Variants in DST observed in about 807,000 individuals in gnomAD.
The protein encoded by DST is bullous pemphigoid antigen.
DST carries 253 observed loss-of-function variants against 875.2 expected under a neutral mutation model. The ratio of observed to expected loss-of-function variants is 0.29; its 90% confidence interval spans 0.26 to 0.32. DST has a LOEUF of 0.32. Ranked by LOEUF, DST falls within the 10% of genes least tolerant of loss-of-function variation. The probability of loss-of-function intolerance (pLI) is 1.00; values close to 1 mark genes in which losing one functional copy is unlikely to be tolerated. For missense variants in DST, 8,287 were observed against 9,111.6 expected, an observed-to-expected ratio of 0.91 and a Z score of 3.68; for synonymous variants, 3,124 against 3,197.1, an observed-to-expected ratio of 0.98 and a Z score of 0.77.
chr6:56,802,820 T>C (rs1446593882), intron 4 of DST, among the ~76,000 whole-genome samples: 1 of 152,186 alleles, frequency 6.6e-6, no homozygotes, highest in Admixed American at 6.5e-5. Context: ...CAAACCAATA[T>C]AAACATCCCC....
intron 2 of DST, among the ~76,000 whole-genome samples, chr6:56,945,557 GAAAAAGCAGGTGACTCTGAACCT>G (rs374901009): frequency 0.014 from 2,072 of 152,246 alleles, 58 homozygotes; most frequent in African/African-American, 0.047. Context: ...GGAAAATGAG[GAAAAAGCAGGTGACTCTGAACCT>G]AGAGATCAAA....
At chr6:56,695,880 C>T (rs1383020064) in intron 9 of DST, among the ~76,000 whole-genome samples, 1 of 152,188 alleles carries the variant, frequency 6.6e-6, no homozygotes, top group Non-Finnish European at 1.5e-5. Context: ...GAGAAAAAGG[C>T]TGAGTCACTC....
At chr6:56,539,556 G>A (rs1450512013) in intron 61 of DST, among the ~76,000 whole-genome samples, 1 of 152,016 alleles carries the variant, frequency 6.6e-6, no homozygotes, top group Non-Finnish European at 1.5e-5. Context: ...ATGAAGAGAA[G>A]TTTAAAATAA....
At chr6:56,614,884 TAA>T in intron 36 of DST, 1 of 993,374 alleles carries the variant, frequency 1.0e-6, no homozygotes. Context: ...ACTGTACATG[TAA>T]GGAAAATACA....
At chr6:56,483,232 A>G (rs1484809403) in intron 88 of DST, among the ~76,000 whole-genome samples, 1 of 152,210 alleles carries the variant, frequency 6.6e-6, no homozygotes, top group East Asian at 1.9e-4. Context: ...TGATTCTTTA[A>G]TATGGTGTCC....
intron 3 of DST, among the ~76,000 whole-genome samples, chr6:56,865,528 G>T (rs944529546): frequency 1.1e-4 from 16 of 152,044 alleles, no homozygotes; most frequent in Non-Finnish European, 2.1e-4. Flanking sequence ...AAGAGATGGG[G>T]GAAGAGTGGC....
At chr6:56,824,005 C>T (rs1302157188) in intron 4 of DST, among the ~76,000 whole-genome samples, 1 of 152,084 alleles carries the variant, frequency 6.6e-6, no homozygotes, top group Non-Finnish European at 1.5e-5. Context: ...CTGCCTCTGC[C>T]TCTCCCCACG....
At chr6:56,941,803 G>A (rs1486357720) in intron 2 of DST, among the ~76,000 whole-genome samples, 1 of 152,160 alleles carries the variant, frequency 6.6e-6, no homozygotes, top group Non-Finnish European at 1.5e-5. Context: ...GTTTCTAGAA[G>A]TATCAGTTAG....
At chr6:56,897,952 C>G (rs1395927558) in intron 3 of DST, among the ~76,000 whole-genome samples, 1 of 152,188 alleles carries the variant, frequency 6.6e-6, no homozygotes, top group Non-Finnish European at 1.5e-5. Flanking sequence ...GACCAATGCC[C>G]TCTGCTGCCC....
chr6:56,855,211 G>A (rs546018510), intron 3 of DST, among the ~76,000 whole-genome samples: 107 of 152,278 alleles, frequency 7.0e-4, no homozygotes, highest in African/African-American at 2.4e-3. Context: ...CTTGGAAACT[G>A]CTGCTTTAAG....
At position 56,552,714 on chromosome 6, in the gene DST, C is replaced by T. The variant is rs779849952; in HGVS notation, c.16078G>A (p.Ala5360Thr). 5 of 1,612,794 alleles carry T rather than the reference C, an allele frequency of 3.1e-6. No individual in the cohort carries two copies. In the South Asian group the frequency reaches 5.5e-5, roughly 18 times the overall value. The change falls in exon 61 of 104, where the codon GCT becomes ACT. Residue 5360 changes from alanine (A) to threonine (T), a missense_variant. Ala to Thr is a moderately conservative substitution (Grantham distance 58). This residue lies in a region of DST where 1,513 missense variants were observed against 1,677.8 expected (regional missense o/e 0.90). Transcript: ENST00000680361. ...TGACTTAGTGTACTATGCTCTTGAGCTATGGTTTCCACTTGTAATAAAACA... is the reference window on the plus strand; with the variant it reads ...TGACTTAGTGTACTATGCTCTTGAGTTATGGTTTCCACTTGTAATAAAACA... ...SDVLLQVETI[A>T]QEHSTLSQQV...
At chr6:56,725,228 G>A (rs1203334482) in intron 5 of DST, among the ~76,000 whole-genome samples, 1 of 152,156 alleles carries the variant, frequency 6.6e-6, no homozygotes, top group African/African-American at 2.4e-5. Flanking sequence ...ATGAAAGAAT[G>A]TGTTGCAAAA....
At chr6:56,693,058 G>C (rs1184406579) in intron 9 of DST, 1 of 1,289,732 alleles carries the variant, frequency 7.8e-7, no homozygotes, top group Non-Finnish European at 1.0e-6. Flanking sequence ...TTTTCTTCCA[G>C]GAGAGTATTT....
Position 56,463,073 on chromosome 6 carries a change from G to A in DST, c.23043C>T (p.Cys7681=). 6.2e-7 allele frequency: 1 copy of A among 1,613,026 alleles called. No homozygotes were observed. The highest frequency in any genetic ancestry group is 1.3e-5 in the African/African-American group (1 of 75,012). The stretch of plus-strand genomic sequence containing the variant: ...CTGCAGATGGCACGGGAAAGTCTGA[G>A]CACTCTGCTGCTTTACAAGGAGTTG... ...KMSTPCKAAE[C]SDFPVPSAEG... is the part of the protein sequence containing the mutation. The change falls in exon 102 of 104, where the codon TGC becomes TGT. Residue 7681 remains cysteine, a synonymous_variant. Coordinates refer to ENST00000680361, the MANE Select transcript of DST (RefSeq NM_001374736.1).
chr6:56,605,620 T>C lies in DST; in HGVS notation c.9008A>G (p.Asp3003Gly). 1 of 1,613,024 alleles carries C rather than the reference T, an allele frequency of 6.2e-7. No individual in the cohort carries two copies. Among genetic ancestry groups the C allele is most frequent in the African/African-American group, 1.3e-5 (1 of 74,994 alleles). Residue 3003 changes from aspartate (D) to glycine (G), a missense_variant, in exon 40 of 104, where the codon GAT becomes GGT. Asp to Gly is a moderately conservative substitution (Grantham distance 94). This residue lies in a region of DST where 3,138 missense variants were observed against 3,116.6 expected (regional missense o/e 1.01). Transcript: ENST00000680361. ...TTCCTCAGCAGGTTTTCCTATTAAA[T>C]CAGGCTCAGTACAAATGATGTGATC... Reference protein sequence around the residue: ...SLDHIICTEPDLIGKPAEESH... With the variant: ...SLDHIICTEPGLIGKPAEESH...
At chr6:56,817,472 T>C (rs1284275491) in intron 4 of DST, among the ~76,000 whole-genome samples, 2 of 152,126 alleles carry the variant, frequency 1.3e-5, no homozygotes, top group African/African-American at 4.8e-5. Flanking sequence ...GATGGGATAC[T>C]GTGGGGAAAA....
intron 55 of DST, among the ~76,000 whole-genome samples, chr6:56,565,967 G>A (rs944042719): frequency 2.0e-5 from 3 of 152,180 alleles, no homozygotes; most frequent in South Asian, 2.1e-4. Context: ...TGCCCAGTTC[G>A]AACTTCCCTG....
chr6:56,809,048 G>C (rs2099756686), intron 4 of DST, among the ~76,000 whole-genome samples: 1 of 152,148 alleles, frequency 6.6e-6, no homozygotes, highest in Non-Finnish European at 1.5e-5. Flanking sequence ...TGATGGCAAA[G>C]GGAACAGCTG....
intron 2 of DST, among the ~76,000 whole-genome samples, chr6:56,917,553 T>C (rs1020055232): frequency 6.6e-6 from 1 of 152,256 alleles, no homozygotes; most frequent in African/African-American, 2.4e-5. Context: ...TCCAGATCAG[T>C]AGCTAAAAGC....
Sources: gnomAD v4.1 joint callset for allele counts (sites outside exome capture counted in the v4.1 genomes callset) on GRCh38, gnomAD v4.1.1 for gene constraint, gnomAD v4.1.1 regional missense constraint, MANE v1.5 for transcripts, NCBI Gene and HGNC (gene_info 2026-07-23, HGNC 2026-07-21) for gene names.